AKIRIN1: variants seen among roughly 807,000 people sequenced by gnomAD.
The protein encoded by AKIRIN1 is akirin-1.
Under a neutral mutation model 25.9 loss-of-function variants are expected in AKIRIN1, and 4 were observed. The observed-to-expected ratio is 0.15, with a 90% CI of 0.08 to 0.35. AKIRIN1 has a LOEUF of 0.35. Among genes scored for constraint, AKIRIN1 ranks in the 10% least tolerant of loss-of-function variants. The probability of loss-of-function intolerance (pLI) is 1.00; values close to 1 mark genes in which losing one functional copy is unlikely to be tolerated. For synonymous variants in AKIRIN1, 125 were observed against 105.1 expected (o/e 1.19, Z -1.16); for missense variants, 243 against 266.1 (o/e 0.91, Z 0.61).
chr1:38,995,948 T>C, intron 1 of AKIRIN1, among the ~76,000 whole-genome samples: 1 of 152,100 alleles, frequency 6.6e-6, no homozygotes, highest in African/African-American at 2.4e-5. Context: ...GCAGGAGAAT[T>C]GCTTGAACCT....
At chr1:39,001,664 A>C (rs895374173) in intron 3 of AKIRIN1, among the ~76,000 whole-genome samples, 2 of 152,168 alleles carry the variant, frequency 1.3e-5, no homozygotes, top group Admixed American at 6.5e-5. Flanking sequence ...TCAGCTTCCC[A>C]GAGTGCTGGC....
intron 2 of AKIRIN1, 126 bp from the exon 3 acceptor site, chr1:39,000,845 TG>T: frequency 9.5e-7 from 1 of 1,056,034 alleles, no homozygotes; most frequent in Non-Finnish European, 1.4e-6. Context: ...TAGTAGAGAC[TG>T]GGTTTCTCCA....
At chr1:38,997,230 C>T (rs1643954691) in intron 1 of AKIRIN1, among the ~76,000 whole-genome samples, 2 of 152,016 alleles carry the variant, frequency 1.3e-5, no homozygotes, top group African/African-American at 4.8e-5. Context: ...AAACCACATC[C>T]TTTTAGATTC....
intron 1 of AKIRIN1, among the ~76,000 whole-genome samples, chr1:38,995,123 G>A (rs573473634): frequency 9.9e-5 from 15 of 152,228 alleles, no homozygotes; most frequent in Middle Eastern, 3.4e-3. Context: ...CACTGCGCCT[G>A]GCTAGCTGAG....
At chr1:39,000,326 G>A (rs946526981) in intron 2 of AKIRIN1, among the ~76,000 whole-genome samples, 4 of 149,236 alleles carry the variant, frequency 2.7e-5, no homozygotes, top group Admixed American at 6.9e-5. Flanking sequence ...CTGATTAGGA[G>A]AACCTTTTTT....
chr1:39,003,376 CATG>C lies in AKIRIN1; in HGVS notation c.529_531del (p.Asp177del). 1 of 1,613,822 alleles carries C rather than the reference CATG, an allele frequency of 6.2e-7. No homozygotes were observed. Among genetic ancestry groups the C allele is most frequent in the Non-Finnish European group, 8.5e-7 (1 of 1,179,958 alleles). On this transcript the variant is annotated inframe_deletion, in exon 4 of 5. Transcript: ENST00000432648. ...ATATGAATCTTTTGTGAAATTCACACATGATCAGATTATGCGACGGTATGGGAC... is the reference window on the plus strand; with the variant it reads ...ATATGAATCTTTTGTGAAATTCACACATCAGATTATGCGACGGTATGGGAC...
intron 3 of AKIRIN1, among the ~76,000 whole-genome samples, chr1:39,002,490 G>A (rs900903062): frequency 6.6e-6 from 1 of 152,170 alleles, no homozygotes; most frequent in Non-Finnish European, 1.5e-5. Context: ...CAGCACTTTG[G>A]GAGGCCGAGG....
intron 1 of AKIRIN1, among the ~76,000 whole-genome samples, chr1:38,994,697 T>TGAGG: frequency 7.6e-6 from 1 of 131,326 alleles, no homozygotes; most frequent in African/African-American, 3.0e-5. Context: ...TTTTTTTTTT[T>TGAGG]TTTTTTTTTG....
chr1:39,001,237 C>G (rs973809589), intron 3 of AKIRIN1, 131 bp downstream of exon 3: 8 of 976,704 alleles, frequency 8.2e-6, no homozygotes, highest in Non-Finnish European at 1.2e-5. Context: ...ATGGAAGTTA[C>G]TCTTTGGTGA....
rs1264544335 is a variant in AKIRIN1 at position 39,000,975 on chromosome 1, C to T, written c.365C>T (p.Ser122Phe). 4.3e-6 allele frequency: 7 copies of T among 1,610,350 alleles called. No individual in the cohort carries two copies. Among genetic ancestry groups the T allele is most frequent in the Non-Finnish European group, 8.5e-7 (1 of 1,178,566 alleles). The change falls in exon 3 of 5, where the codon TCC becomes TTC. Residue 122 changes from serine to phenylalanine, a missense_variant. Ser to Phe is a radical substitution (Grantham distance 155). This residue lies in a region of AKIRIN1 where 190 missense variants were observed against 174.4 expected (regional missense o/e 1.09). Coordinates refer to ENST00000432648, the MANE Select transcript of AKIRIN1 (RefSeq NM_024595.3). Reference sequence around the variant, plus strand: ...ACTCACTTTTTCTTTTGGCCAGGTTCCTCATGGATGAAGAAGGACCAGCCC... The same window carrying T: ...ACTCACTTTTTCTTTTGGCCAGGTTTCTCATGGATGAAGAAGGACCAGCCC... ...SALTAPSSPG[S>F]SWMKKDQPTF...
intron 1 of AKIRIN1, among the ~76,000 whole-genome samples, chr1:38,995,207 A>T (rs1643938944): frequency 6.6e-6 from 1 of 152,164 alleles, no homozygotes; most frequent in Non-Finnish European, 1.5e-5. Context: ...AAAAACCCAC[A>T]ATTTAAGGAG....
chr1:39,003,942 G>A (rs1389704324), intron 4 of AKIRIN1, 103 bp from the exon 5 acceptor site: 20 of 996,840 alleles, frequency 2.0e-5, no homozygotes, highest in African/African-American at 8.1e-5. Flanking sequence ...GTGAGTCATC[G>A]TTCATGCTAT....
chr1:39,002,250 AATC>A (rs1409458975), intron 3 of AKIRIN1, among the ~76,000 whole-genome samples: 2 of 152,208 alleles, frequency 1.3e-5, no homozygotes, highest in Non-Finnish European at 2.9e-5. Flanking sequence ...GCTGCTGTGT[AATC>A]ATCAGAGAGT....
chr1:38,998,894 T>A (rs111830526), intron 2 of AKIRIN1, among the ~76,000 whole-genome samples: 12,639 of 152,134 alleles, frequency 0.083, 684 homozygotes, highest in Admixed American at 0.11. Context: ...AAAGTTTTTT[T>A]AAAATTCTGT....
Position 38,993,921 on chromosome 1 carries a change from T to C in AKIRIN1, c.220+2321T>C, listed in dbSNP as rs186776849. Among the ~76,000 whole-genome samples the C allele has an allele frequency of 2.2e-3, 335 of 151,446 alleles. 3 individuals carry two copies. Among genetic ancestry groups the C allele is most frequent in the African/African-American group, 8.0e-3 (329 of 41,270 alleles). On this transcript the variant is annotated intron_variant, in intron 1 of 4. Transcript: ENST00000432648. ...TCCTGTCTCTACTAAAAATACAAAATTAGTGGGGCATGGTGGTGCATGCCT... is the reference window on the plus strand; with the variant it reads ...TCCTGTCTCTACTAAAAATACAAAACTAGTGGGGCATGGTGGTGCATGCCT...
intron 3 of AKIRIN1, 103 bp downstream of exon 3, chr1:39,001,209 G>C (rs552354988): frequency 1.6e-6 from 2 of 1,288,656 alleles, no homozygotes; most frequent in East Asian, 5.8e-5. Flanking sequence ...ATGCAAGGGA[G>C]TTTATTGAGT....
In AKIRIN1 at chr1:39,000,999, C is replaced by T; in HGVS notation, c.389C>T (p.Pro130Leu). 1 of 1,612,906 alleles carries T rather than the reference C, an allele frequency of 6.2e-7. No individual in the cohort carries two copies. The highest frequency in any genetic ancestry group is 8.5e-7 in the Non-Finnish European group (1 of 1,179,576). Residue 130 changes from proline (P) to leucine (L), a missense_variant, in exon 3 of 5, where the codon CCC becomes CTC. By Grantham distance (98) the Pro-to-Leu change is moderately conservative. Coordinates refer to ENST00000432648, the MANE Select transcript of AKIRIN1 (RefSeq NM_024595.3). ...PGSSWMKKDQ[P>L]TFTLRQVGII... ...TCCTCATGGATGAAGAAGGACCAGC[C>T]CACATTTACCCTCCGACAAGTTGGC...
intron 3 of AKIRIN1, 67 bp from the exon 4 acceptor site, chr1:39,003,279 TC>T: frequency 6.8e-7 from 1 of 1,467,440 alleles, no homozygotes; most frequent in Non-Finnish European, 9.5e-7. Flanking sequence ...CTATTTGTGA[TC>T]CTGACGCTTG....
chr1:38,991,649 T>A (rs1643906670), intron 1 of AKIRIN1, 49 bp downstream of exon 1: 5 of 872,594 alleles, frequency 5.7e-6, no homozygotes, highest in Middle Eastern at 5.1e-4. Context: ...CCAGGCATTT[T>A]TTGGGGGGGG....
Sources: allele counts gnomAD v4.1 joint callset (sites outside exome capture counted in the v4.1 genomes callset), GRCh38; gene constraint gnomAD v4.1.1; regional missense constraint gnomAD v4.1.1; transcripts MANE v1.5; gene names NCBI Gene and HGNC (gene_info 2026-07-23, HGNC 2026-07-21).